The following SMPDL3A variants were observed in gnomAD, a reference collection of about 807,000 sequenced individuals.
SMPDL3A encodes cyclic GMP-AMP phosphodiesterase SMPDL3A.
A neutral mutation model predicts 38.5 loss-of-function variants in SMPDL3A; 39 were observed. The observed-to-expected ratio is 1.01, with a 90% confidence interval of 0.78 to 1.32. SMPDL3A has a LOEUF of 1.32. Ranked by LOEUF, SMPDL3A falls within the 40% of genes most tolerant of loss-of-function variation. SMPDL3A has a pLI of 0.00. For synonymous variants in SMPDL3A, 180 were observed against 194.3 expected (o/e 0.93, Z 0.61); for missense variants, 502 against 536.2 (o/e 0.94, Z 0.63).
intron 4 of SMPDL3A, 75 bp from the exon 5 acceptor site, chr6:122,803,589 C>A: frequency 2.7e-6 from 3 of 1,112,634 alleles, no homozygotes; most frequent in Non-Finnish European, 2.6e-6. Flanking sequence ...GATTGTAAAC[C>A]TCAGGAATTT....
rs1781667132 is a variant in SMPDL3A at position 122,807,428 on chromosome 6, G to A, written c.1044+1071G>A. Among the ~76,000 whole-genome samples, 6 of 152,190 alleles carry A rather than the reference G, an allele frequency of 3.9e-5. No individual in the cohort carries two copies. The South Asian group carries it at 1.2e-3, about 31-fold the overall frequency. On this transcript the variant is annotated intron_variant, in intron 7 of 7. Coordinates refer to ENST00000368440, the MANE Select transcript of SMPDL3A (RefSeq NM_006714.5). ...GCAGGAGAATGGCGTGAACCTGGGA[G>A]GCAGAGCTTGCAGTGAGCCGAGATT...
chr6:122,808,641 T>TC (rs1163082786), intron 7 of SMPDL3A, among the ~76,000 whole-genome samples: 2 of 38,894 alleles, frequency 5.1e-5, no homozygotes, highest in South Asian at 2.0e-3. Context: ...CTTCCTTCCT[T>TC]CCCCCCCTCC....
At chr6:122,793,264 C>A (rs180919208) in intron 1 of SMPDL3A, among the ~76,000 whole-genome samples, 1 of 152,250 alleles carries the variant, frequency 6.6e-6, no homozygotes, top group Admixed American at 6.5e-5. Flanking sequence ...AAGGGCTTTA[C>A]TTCTACTAAG....
At chr6:122,808,800 G>A (rs1315389861) in intron 7 of SMPDL3A, among the ~76,000 whole-genome samples, 1 of 151,934 alleles carries the variant, frequency 6.6e-6, no homozygotes, top group Non-Finnish European at 1.5e-5. Flanking sequence ...TTCTGCCCCA[G>A]CCTCCTGAGT....
At chr6:122,803,231 C>CT (rs1452301891) in intron 4 of SMPDL3A, among the ~76,000 whole-genome samples, 1 of 152,154 alleles carries the variant, frequency 6.6e-6, no homozygotes, top group Non-Finnish European at 1.5e-5. Flanking sequence ...TTTGTCTGAC[C>CT]TTTTTTTCCG....
At chr6:122,790,515 T>G (rs1012699326) in intron 1 of SMPDL3A, among the ~76,000 whole-genome samples, 2 of 152,204 alleles carry the variant, frequency 1.3e-5, no homozygotes, top group African/African-American at 2.4e-5. Flanking sequence ...CAGCACCTAG[T>G]GCTGAAACCT....
chr6:122,809,233 C>T lies in SMPDL3A; in HGVS notation c.1187C>T (p.Thr396Ile), dbSNP rs1781769439. 5 of 1,614,150 alleles carry T rather than the reference C, an allele frequency of 3.1e-6. No homozygotes were observed. In the African/African-American group the frequency reaches 4.0e-5, roughly 13 times the overall value. ...TTATATGGATTAGCTAAACAATTTA[C>T]AATCCTAGACAGTAAGCAGTTTATA... ...ESLYGLAKQF[T>I]ILDSKQFIKY... Residue 396 changes from threonine (T) to isoleucine (I), a missense_variant, in exon 8 of 8, where the codon ACA becomes ATA. By Grantham distance (89) the Thr-to-Ile change is moderately conservative. Transcript: ENST00000368440.
chr6:122,794,037 A>ATG (rs1377469853), intron 1 of SMPDL3A, among the ~76,000 whole-genome samples: 4 of 152,208 alleles, frequency 2.6e-5, no homozygotes, highest in African/African-American at 9.6e-5. Flanking sequence ...ATATATATAT[A>ATG]TAAATGATGT....
intron 5 of SMPDL3A, 96 bp downstream of exon 5, chr6:122,803,929 T>G (rs1272082947): frequency 2.0e-6 from 2 of 986,948 alleles, no homozygotes; most frequent in Admixed American, 4.9e-5. Context: ...AATAAAAGTA[T>G]TATAATTTGA....
At chr6:122,795,382 A>G (rs1299856540) in intron 1 of SMPDL3A, among the ~76,000 whole-genome samples, 1 of 152,090 alleles carries the variant, frequency 6.6e-6, no homozygotes, top group Admixed American at 6.6e-5. Context: ...ACCTCAAGGG[A>G]TCCACCTGCT....
intron 3 of SMPDL3A, chr6:122,797,292 T>G (rs1468958794): frequency 8.9e-6 from 2 of 225,896 alleles, no homozygotes; most frequent in Non-Finnish European, 1.7e-5. Context: ...CATTTGCATG[T>G]CCATGACAAG....
In SMPDL3A at chr6:122,789,451, G is replaced by C; in HGVS notation, c.105G>C (p.Pro35=). The C allele has an allele frequency of 1.3e-6, 2 of 1,548,810 alleles. No homozygotes were observed. The highest frequency in any genetic ancestry group is 8.7e-7 in the Non-Finnish European group (1 of 1,145,756). ...CCGCAGGCGGCAGGAATCCTCCTCC[G>C]GCGATAGGTGAGTTGTCCGCGACCC... ...VAPAGGRNPP[P]AIGQFWHVTD... Residue 35 remains proline, a synonymous_variant, in exon 1 of 8, where the codon CCG becomes CCC. Transcript: ENST00000368440.
chr6:122,789,524 A>C, intron 1 of SMPDL3A, 66 bp downstream of exon 1: 3 of 1,354,464 alleles, frequency 2.2e-6, no homozygotes, highest in Non-Finnish European at 3.1e-6. Context: ...GCCTGCGCAC[A>C]GCAGGAGAAA....
intron 3 of SMPDL3A, 92 bp downstream of exon 3, chr6:122,797,060 G>A (rs1781273195): frequency 9.5e-7 from 1 of 1,048,344 alleles, no homozygotes; most frequent in Non-Finnish European, 1.4e-6. Context: ...ATAGGGCATG[G>A]GAATGGGTCT....
At chr6:122,806,971 G>A (rs763957614) in intron 7 of SMPDL3A, among the ~76,000 whole-genome samples, 4 of 152,032 alleles carry the variant, frequency 2.6e-5, no homozygotes, top group Non-Finnish European at 4.4e-5. Flanking sequence ...GCTTACAGCA[G>A]CCTCAAACTC....
rs759206790 is a variant in SMPDL3A at position 122,803,663 on chromosome 6, G to A, written c.569-1G>A. ...AATGTGTTTTAAAATTGTTTTTATA[G>A]GTGGTTTTTATTCACAGAAAGTTAC... is the stretch of plus-strand genomic sequence containing the variant. On this transcript the variant is annotated splice_acceptor_variant, in intron 4 of 7. Coordinates refer to ENST00000368440, the MANE Select transcript of SMPDL3A (RefSeq NM_006714.5). LOFTEE classifies it high-confidence loss of function. 7 of 1,608,240 alleles carry A rather than the reference G, an allele frequency of 4.4e-6. No homozygotes were observed. The highest frequency in any genetic ancestry group is 5.9e-6 in the Non-Finnish European group (7 of 1,176,648).
At chr6:122,798,257 T>C (rs2115166459) in intron 3 of SMPDL3A, among the ~76,000 whole-genome samples, 1 of 152,290 alleles carries the variant, frequency 6.6e-6, no homozygotes, top group Middle Eastern at 3.4e-3. Flanking sequence ...TGAGTCAGCC[T>C]GTCAACGAGC....
In SMPDL3A at chr6:122,801,529, G is replaced by T. The variant is rs1020620478; in HGVS notation, c.568+123G>T. On this transcript the variant is annotated intron_variant, in intron 4 of 7. Transcript: ENST00000368440. ...AGCACAGCCCCCAGTTTTTGTGGAGGACAGTGAGTAGTAATGCTGCCTGTG... is the reference window on the plus strand; with the variant it reads ...AGCACAGCCCCCAGTTTTTGTGGAGTACAGTGAGTAGTAATGCTGCCTGTG... 6 of 697,756 alleles carry T rather than the reference G, an allele frequency of 8.6e-6. No homozygotes were observed. The African/African-American group carries it at 8.8e-5, about 10-fold the overall frequency. The allele number at this position is 697,756 out of a possible 1,614,324, so 43.2% of individuals were successfully genotyped here.
rs184047447 is a variant in SMPDL3A, at chr6:122,799,916, A to G, written c.472-1394A>G. Among the ~76,000 whole-genome samples the G allele has an allele frequency of 1.1e-4, 17 of 151,100 alleles. No homozygotes were observed. In the East Asian group the frequency reaches 1.7e-3, roughly 16 times the overall value. ...ATTTTTTAAAACAAAATTAAAAACAATTATCCAATTCACAAATGATTTATG... is the reference window on the plus strand; with the variant it reads ...ATTTTTTAAAACAAAATTAAAAACAGTTATCCAATTCACAAATGATTTATG... On this transcript the variant is annotated intron_variant, in intron 3 of 7. Coordinates refer to ENST00000368440, the MANE Select transcript of SMPDL3A (RefSeq NM_006714.5).
Sources: gnomAD v4.1 joint callset for allele counts (sites outside exome capture counted in the v4.1 genomes callset) on GRCh38, gnomAD v4.1.1 for gene constraint, MANE v1.5 for transcripts, NCBI Gene and HGNC (gene_info 2026-07-23, HGNC 2026-07-21) for gene names.